Variants in PTPRD observed in about 807,000 individuals in gnomAD.
The protein encoded by PTPRD is protein tyrosine phosphatase receptor type D, also known as receptor-type tyrosine-protein phosphatase delta.
PTPRD carries 34 observed loss-of-function variants against 214.5 expected under a neutral mutation model. That is an observed-to-expected ratio of 0.16 (90% CI 0.12 to 0.21). The LOEUF (loss-of-function observed/expected upper bound fraction) is 0.21. Ranked by LOEUF, PTPRD falls within the 10% of genes least tolerant of loss-of-function variation. The pLI is 1.00. For synonymous variants in PTPRD, 1,128 were observed against 845.7 expected, an observed-to-expected ratio of 1.33 and a Z score of -5.79; for missense variants, 2,545 against 2,398.7, an observed-to-expected ratio of 1.06 and a Z score of -1.27.
Position 9,880,984 on chromosome 9 carries a change from AG to A in PTPRD, c.-368+57522del, listed in dbSNP as rs545078468. Among the ~76,000 whole-genome samples, 12 of 152,296 alleles carry A rather than the reference AG, an allele frequency of 7.9e-5. 1 individual carries two copies. Among genetic ancestry groups the A allele is most frequent in the African/African-American group, 2.6e-4 (11 of 41,570 alleles). On this transcript the variant is annotated intron_variant, in intron 5 of 45. Transcript: ENST00000381196. ...TACCAGTACCTATGTGTAGTCAAAAAGTATTTTGCATAGGCACATTTGGAAA... is the reference window on the plus strand; with the variant it reads ...TACCAGTACCTATGTGTAGTCAAAAATATTTTGCATAGGCACATTTGGAAA...
intron 10 of PTPRD, among the ~76,000 whole-genome samples, chr9:9,131,188 T>A (rs1274941328): frequency 6.6e-6 from 1 of 152,230 alleles, no homozygotes; most frequent in Non-Finnish European, 1.5e-5. Context: ...ATGCCTTCTT[T>A]CCTTTGCATT....
chr9:8,648,826 T>C (rs1452316820), intron 12 of PTPRD, among the ~76,000 whole-genome samples: 1 of 152,200 alleles, frequency 6.6e-6, no homozygotes, highest in Non-Finnish European at 1.5e-5. Flanking sequence ...AAAGAACCTC[T>C]ACCAATGCTT....
intron 2 of PTPRD, among the ~76,000 whole-genome samples, chr9:10,381,853 C>G (rs1038771720): frequency 1.7e-4 from 26 of 152,002 alleles, no homozygotes; most frequent in African/African-American, 6.3e-4. Flanking sequence ...TGGAGGATAA[C>G]TTAATCTCTG....
intron 11 of PTPRD, among the ~76,000 whole-genome samples, chr9:8,760,517 T>G (rs2094343723): frequency 6.6e-6 from 1 of 152,106 alleles, no homozygotes; most frequent in Non-Finnish European, 1.5e-5. Flanking sequence ...TCCTCAAAAT[T>G]TTTTTGAATG....
At chr9:8,827,285 A>T (rs1184748147) in intron 11 of PTPRD, among the ~76,000 whole-genome samples, 1 of 147,372 alleles carries the variant, frequency 6.8e-6, no homozygotes, top group Non-Finnish European at 1.5e-5. Context: ...ACGTGACTCA[A>T]CCCATCAATC....
At chr9:9,737,201 G>A (rs1408125) in intron 6 of PTPRD, among the ~76,000 whole-genome samples, 77,149 of 151,880 alleles carry the variant, frequency 0.51, 23,448 homozygotes, top group African/African-American at 0.84. Flanking sequence ...GTACCCATGG[G>A]TGCTTGGCTC....
rs191061104 is a variant in PTPRD at position 8,516,396 on chromosome 9, C to T, written c.1543+1452G>A. ...CAATGTCATAGAGAAAAGAGTAAAT[C>T]CATGAACAAGCCAATAAGAACCAAA... On this transcript the variant is annotated intron_variant, in intron 21 of 45. Transcript: ENST00000381196. 3.4e-3 allele frequency among the ~76,000 whole-genome samples: 517 copies of T among 152,120 alleles called. 3 individuals are homozygous for T. The highest frequency in any genetic ancestry group is 6.1e-3 in the Non-Finnish European group (414 of 67,988).
At chr9:8,417,959 ACT>A (rs1287988662) in intron 35 of PTPRD, among the ~76,000 whole-genome samples, 1 of 152,078 alleles carries the variant, frequency 6.6e-6, no homozygotes, top group Admixed American at 6.6e-5. Flanking sequence ...TGCCTATTGC[ACT>A]CTGTGTCTAC....
chr9:9,671,537 G>A (rs536767706), intron 7 of PTPRD, among the ~76,000 whole-genome samples: 5 of 152,196 alleles, frequency 3.3e-5, no homozygotes, highest in Non-Finnish European at 5.9e-5. Context: ...GACATGGTTT[G>A]GCTGTGTCCC....
intron 2 of PTPRD, among the ~76,000 whole-genome samples, chr9:10,365,760 T>C (rs1187838094): frequency 2.0e-5 from 3 of 152,096 alleles, no homozygotes; most frequent in Admixed American, 1.3e-4. Flanking sequence ...GAAATAATAG[T>C]TCAATAGTTA....
intron 2 of PTPRD, among the ~76,000 whole-genome samples, chr9:10,566,943 T>A (rs2065819208): frequency 6.6e-6 from 1 of 152,112 alleles, no homozygotes; most frequent in African/African-American, 2.4e-5. Context: ...CATGACTACC[T>A]CTCACTCAAT....
chr9:10,137,775 C>A (rs1564055952), intron 3 of PTPRD, among the ~76,000 whole-genome samples: 1 of 150,800 alleles, frequency 6.6e-6, no homozygotes, highest in South Asian at 2.1e-4. Flanking sequence ...AATTAAACCA[C>A]TTGCACCTGA....
chr9:9,115,739 A>G (rs945922501), intron 10 of PTPRD, among the ~76,000 whole-genome samples: 3 of 152,162 alleles, frequency 2.0e-5, no homozygotes, highest in African/African-American at 7.2e-5. Context: ...ATGCTCATCA[A>G]CTGATGAGTG....
At chr9:9,187,894 G>T (rs1036274332) in intron 9 of PTPRD, among the ~76,000 whole-genome samples, 1 of 151,524 alleles carries the variant, frequency 6.6e-6, no homozygotes, top group Non-Finnish European at 1.5e-5. Context: ...GAGTCCTTTT[G>T]TCTCAACTAA....
At chr9:10,571,073 G>C (rs1459416400) in intron 2 of PTPRD, among the ~76,000 whole-genome samples, 1 of 152,014 alleles carries the variant, frequency 6.6e-6, no homozygotes, top group African/African-American at 2.4e-5. Flanking sequence ...TTGCATTATA[G>C]TGAAGTATTT....
At chr9:10,044,011 C>T (rs938738347) in intron 3 of PTPRD, among the ~76,000 whole-genome samples, 5 of 151,616 alleles carry the variant, frequency 3.3e-5, no homozygotes, top group African/African-American at 1.2e-4. Flanking sequence ...ATATTTAGAG[C>T]CTTCAAGTTC....
intron 2 of PTPRD, among the ~76,000 whole-genome samples, chr9:10,503,233 AG>A (rs2044513485): frequency 7.5e-6 from 1 of 133,956 alleles, no homozygotes; most frequent in Admixed American, 7.6e-5. Context: ...TTTTTTTCCC[AG>A]AAAAGTTTGG....
intron 3 of PTPRD, among the ~76,000 whole-genome samples, chr9:10,181,301 T>G (rs2099282706): frequency 6.6e-6 from 1 of 152,098 alleles, no homozygotes; most frequent in Non-Finnish European, 1.5e-5. Flanking sequence ...TTTTTAAAAA[T>G]TCTAACATAA....
At chr9:9,639,324 A>G (rs1443077736) in intron 7 of PTPRD, among the ~76,000 whole-genome samples, 1 of 152,176 alleles carries the variant, frequency 6.6e-6, no homozygotes, top group African/African-American at 2.4e-5. Flanking sequence ...TTTATTAAAT[A>G]TTTACTGAGT....
Sources: allele counts gnomAD v4.1 joint callset (sites outside exome capture counted in the v4.1 genomes callset), GRCh38; gene constraint gnomAD v4.1.1; transcripts MANE v1.5; gene names NCBI Gene and HGNC (gene_info 2026-07-23, HGNC 2026-07-21).